TAS1R1: variants seen among roughly 807,000 people sequenced by gnomAD.
The protein encoded by TAS1R1 is taste 1 receptor member 1.
Under a neutral mutation model 45.8 loss-of-function variants are expected in TAS1R1, and 31 were observed. The observed-to-expected ratio is 0.68, with a 90% CI of 0.51 to 0.91. The LOEUF is 0.91. Among genes scored for constraint, TAS1R1 ranks in the 40% least tolerant of loss-of-function variants. TAS1R1 has a pLI of 0.00. For synonymous variants in TAS1R1, 437 were observed against 448.4 expected, an observed-to-expected ratio of 0.97 and a Z score of 0.32; for missense variants, 1,051 against 1,063.9, an observed-to-expected ratio of 0.99 and a Z score of 0.17.
chr1:6,557,174 C>T (rs1300843668), intron 1 of TAS1R1, among the ~76,000 whole-genome samples: 9 of 150,926 alleles, frequency 6.0e-5, no homozygotes, highest in African/African-American at 7.3e-5. Flanking sequence ...TAGTGTATGA[C>T]GACCTACTCG....
chr1:6,574,236 C>T lies in TAS1R1; in HGVS notation c.499-395C>T, dbSNP rs1640096184. On this transcript the variant is annotated intron_variant, in intron 2 of 5. Transcript: ENST00000333172. The surrounding 1 kb of genome is among the most constrained non-coding windows in gnomAD (Gnocchi z 4.3). Reference sequence around the variant, plus strand: ...GTAAATACAGATGAAGCTTCGCTTACTCACCAGCTGCTCACCTCCTCCTGT... The same window carrying T: ...GTAAATACAGATGAAGCTTCGCTTATTCACCAGCTGCTCACCTCCTCCTGT... Among the ~76,000 whole-genome samples, 2 of 152,196 alleles carry T rather than the reference C, an allele frequency of 1.3e-5. No individual in the cohort carries two copies. The highest frequency in any genetic ancestry group is 4.8e-5 in the African/African-American group (2 of 41,440).
At chr1:6,561,562 A>T (rs150795532) in intron 1 of TAS1R1, among the ~76,000 whole-genome samples, 2 of 152,124 alleles carry the variant, frequency 1.3e-5, no homozygotes, top group Non-Finnish European at 2.9e-5. Context: ...ATACAAAAAA[A>T]TTAGCTGGAC....
In TAS1R1 at chr1:6,579,595, A is replaced by C; in HGVS notation, c.*11A>C. 1 of 1,591,624 alleles carries C rather than the reference A, an allele frequency of 6.3e-7. No homozygotes were observed. The highest frequency in any genetic ancestry group is 8.5e-7 in the Non-Finnish European group (1 of 1,171,386). Reference sequence around the variant, plus strand: ...TGCGGCTCCACCTGACCAGTGGGTCAGCAGGCACGGCTGGCAGCCTTCTCT... The same window carrying C: ...TGCGGCTCCACCTGACCAGTGGGTCCGCAGGCACGGCTGGCAGCCTTCTCT... On this transcript the variant is annotated 3_prime_UTR_variant, in exon 6 of 6. Transcript: ENST00000333172.
intron 1 of TAS1R1, among the ~76,000 whole-genome samples, chr1:6,568,117 G>T (rs1009042042): frequency 6.6e-6 from 1 of 151,992 alleles, no homozygotes; most frequent in Non-Finnish European, 1.5e-5. Flanking sequence ...GTTTACACCA[G>T]GTGTTGGGGG....
intron 5 of TAS1R1, among the ~76,000 whole-genome samples, chr1:6,577,849 A>C (rs138271845): frequency 1.3e-5 from 2 of 152,248 alleles, no homozygotes; most frequent in South Asian, 4.2e-4. Flanking sequence ...AAAGAAAGAA[A>C]GAATTAGCCA....
rs574620496 is a variant in TAS1R1 at position 6,574,691 on chromosome 1, C to A, written c.559C>A (p.Arg187Ser). 1.2e-6 allele frequency: 2 copies of A among 1,613,966 alleles called. No individual in the cohort carries two copies. Among genetic ancestry groups the A allele is most frequent in the African/African-American group, 2.7e-5 (2 of 74,936 alleles). The change falls in exon 3 of 6, where the codon CGC becomes AGC. Residue 187 changes from arginine (R) to serine (S), a missense_variant. Arg to Ser is a moderately radical substitution (Grantham distance 110, BLOSUM62 -1). Coordinates refer to ENST00000333172, the MANE Select transcript of TAS1R1 (RefSeq NM_138697.4). This position sits in a 1 kb window ranked among gnomAD's most constrained non-coding sequence, Gnocchi z 4.3. ...GAAGCGGCAGTATCCCTCTTTCCTGCGCACCATCCCCAATGACAAGTACCA... is the reference window on the plus strand; with the variant it reads ...GAAGCGGCAGTATCCCTCTTTCCTGAGCACCATCCCCAATGACAAGTACCA... ...SVKRQYPSFL[R>S]TIPNDKYQVE... is the part of the protein sequence containing the mutation.
chr1:6,578,365 G>A (rs1319244123), intron 5 of TAS1R1, among the ~76,000 whole-genome samples: 1 of 152,164 alleles, frequency 6.6e-6, no homozygotes, highest in Non-Finnish European at 1.5e-5. Context: ...TAACCTCTCT[G>A]GTATGTGGGC....
At chr1:6,570,024 G>GAGAGAGAGAGAGGAGAGAGAGAGAGA (rs1553186697) in intron 1 of TAS1R1, among the ~76,000 whole-genome samples, 1 of 32,382 alleles carries the variant, frequency 3.1e-5, no homozygotes, top group Admixed American at 4.1e-4. Context: ...GGAGGGAGGG[G>GAGAGAGAGAGAGGAGAGAGAGAGAGA]GAGAGAGAGA....
Position 6,561,357 on chromosome 1 carries a change from A to C in TAS1R1, c.191+5793A>C, listed in dbSNP as rs116404535. ...CTTCTCCTAAGAAGATGCGCAGTCC[A>C]CCTTTTTCGGCAGTGAGGAGATCTA... On this transcript the variant is annotated intron_variant, in intron 1 of 5. Transcript: ENST00000333172. Among the ~76,000 whole-genome samples, 754 of 152,228 alleles carry C rather than the reference A, an allele frequency of 5.0e-3. 5 individuals are homozygous for C. The highest frequency in any genetic ancestry group is 0.017 in the African/African-American group (716 of 41,540).
Position 6,579,168 on chromosome 1 carries a change from C to A in TAS1R1, c.2110C>A (p.Leu704Met). The A allele has an allele frequency of 1.2e-6, 2 of 1,614,228 alleles. No individual in the cohort carries two copies. The highest frequency in any genetic ancestry group is 1.7e-6 in the Non-Finnish European group (2 of 1,180,044). The change falls in exon 6 of 6, where the codon CTG becomes ATG. Residue 704 changes from leucine to methionine, a missense_variant. Coordinates refer to ENST00000333172, the MANE Select transcript of TAS1R1 (RefSeq NM_138697.4). Reference sequence around the variant, plus strand: ...AACTTGGCTGGTGGTGTGGACCCCACTGCCTGCTAGGGAATACCAGCGCTT... The same window carrying A: ...AACTTGGCTGGTGGTGTGGACCCCAATGCCTGCTAGGGAATACCAGCGCTT... ...CLTWLVVWTP[L>M]PAREYQRFPH...
Position 6,571,027 on chromosome 1 carries a change from G to T in TAS1R1, c.310G>T (p.Asp104Tyr). 6.2e-7 allele frequency: 1 copy of T among 1,614,182 alleles called. No individual in the cohort carries two copies. The highest frequency in any genetic ancestry group is 8.5e-7 in the Non-Finnish European group (1 of 1,180,032). Residue 104 changes from aspartate to tyrosine, a missense_variant, in exon 2 of 6, where the codon GAT (aspartate) becomes TAT (tyrosine). Asp to Tyr is a radical substitution (Grantham distance 160, BLOSUM62 -3). Coordinates refer to ENST00000333172, the MANE Select transcript of TAS1R1 (RefSeq NM_138697.4). ...PNITLGYQLY[D>Y]VCSDSANVYA... ...CATCACCCTGGGGTACCAGCTGTATGATGTGTGTTCTGACTCTGCCAATGT... is the reference window on the plus strand; with the variant it reads ...CATCACCCTGGGGTACCAGCTGTATTATGTGTGTTCTGACTCTGCCAATGT...
intron 5 of TAS1R1, among the ~76,000 whole-genome samples, chr1:6,577,364 T>C (rs1470234662): frequency 3.3e-5 from 5 of 151,126 alleles, no homozygotes; most frequent in Non-Finnish European, 7.4e-5. Flanking sequence ...TGAAACCCCA[T>C]CTCTACCAAA....
intron 1 of TAS1R1, among the ~76,000 whole-genome samples, chr1:6,569,341 G>A (rs1013400047): frequency 6.6e-6 from 1 of 152,190 alleles, no homozygotes; most frequent in African/African-American, 2.4e-5. Context: ...TGGCTATGGA[G>A]AGTGAAGAAA....
chr1:6,568,405 A>G (rs532737502), intron 1 of TAS1R1, among the ~76,000 whole-genome samples: 40 of 151,284 alleles, frequency 2.6e-4, no homozygotes, highest in Non-Finnish European at 5.0e-4. Flanking sequence ...CAGTGAGCCG[A>G]GATTGCGCCA....
chr1:6,561,483 G>A (rs912253487), intron 1 of TAS1R1, among the ~76,000 whole-genome samples: 6 of 152,108 alleles, frequency 3.9e-5, no homozygotes, highest in Admixed American at 3.3e-4. Flanking sequence ...AGGCAGAGGC[G>A]GGCTGATCAT....
chr1:6,559,049 G>A (rs866008706), intron 1 of TAS1R1, among the ~76,000 whole-genome samples: 1 of 152,010 alleles, frequency 6.6e-6, no homozygotes, highest in South Asian at 2.1e-4. Context: ...CCGCCACCAC[G>A]CCCAGCTAAT....
At chr1:6,567,870 A>G (rs564402558) in intron 1 of TAS1R1, among the ~76,000 whole-genome samples, 8 of 152,296 alleles carry the variant, frequency 5.3e-5, no homozygotes, top group Non-Finnish European at 8.8e-5. Context: ...TTCTTTGCCC[A>G]GTAGCCTTCT....
intron 1 of TAS1R1, among the ~76,000 whole-genome samples, chr1:6,561,579 G>C (rs1432129533): frequency 6.6e-6 from 1 of 152,152 alleles, no homozygotes; most frequent in Non-Finnish European, 1.5e-5. Flanking sequence ...GGACATGGTG[G>C]TGGGCGGTGC....
chr1:6,574,922 G>A lies in TAS1R1; in HGVS notation c.790G>A (p.Ala264Thr). Residue 264 changes from alanine (A) to threonine (T), a missense_variant, in exon 3 of 6, where the codon GCC becomes ACC. Coordinates refer to ENST00000333172, the MANE Select transcript of TAS1R1 (RefSeq NM_138697.4). This position sits in a 1 kb window ranked among gnomAD's most constrained non-coding sequence, Gnocchi z 4.3. ...GATGCAGTGCCTCATGCGCCACCTGGCCCAGGCCGGGGCCACCGTCGTGGT... is the reference window on the plus strand; with the variant it reads ...GATGCAGTGCCTCATGCGCCACCTGACCCAGGCCGGGGCCACCGTCGTGGT... ...ERMQCLMRHL[A>T]QAGATVVVVF... 2 of 1,613,648 alleles carry A rather than the reference G, an allele frequency of 1.2e-6. No individual in the cohort carries two copies. Among genetic ancestry groups the A allele is most frequent in the South Asian group, 2.2e-5 (2 of 91,082 alleles).
Sources: allele counts gnomAD v4.1 joint callset (sites outside exome capture counted in the v4.1 genomes callset), GRCh38; gene constraint gnomAD v4.1.1; non-coding constraint Gnocchi (gnomAD v3.1); transcripts MANE v1.5; gene names NCBI Gene and HGNC (gene_info 2026-07-23, HGNC 2026-07-21).